Variants in WASHC2A observed in about 807,000 individuals in gnomAD.
The protein encoded by WASHC2A is WASH complex subunit FAM21A.
In WASHC2A, 82 loss-of-function variants were observed where a neutral mutation model predicts 140.3. The ratio of observed to expected loss-of-function variants is 0.58; its 90% CI spans 0.49 to 0.70. WASHC2A has a LOEUF of 0.70. WASHC2A is among the 30% of genes least tolerant of loss of function. WASHC2A has a pLI of 0.00. For synonymous variants in WASHC2A, 340 were observed against 560.8 expected, an observed-to-expected ratio of 0.61 and a Z score of 5.56; for missense variants, 985 against 1,521.8, an observed-to-expected ratio of 0.65 and a Z score of 5.87.
In WASHC2A at chr10:50,121,468, A is replaced by G. The variant is rs1304993560; in HGVS notation, c.2478+1699A>G. Among the ~76,000 whole-genome samples the G allele has an allele frequency of 4.0e-4, 60 of 148,474 alleles. 1 individual carries two copies. The South Asian group carries it at 0.012, about 29-fold the overall frequency. ...GATTGAAATGGCACAATCTTGGCTC[A>G]CTGCAACCTTTGCCTCCTGGGTTCA... On this transcript the variant is annotated intron_variant, in intron 23 of 30. Coordinates refer to ENST00000282633, the MANE Select transcript of WASHC2A (RefSeq NM_001005751.3).
At position 50,130,936 on chromosome 10, in the gene WASHC2A, T is replaced by C; in HGVS notation, c.3744T>C (p.Ser1248=). The C allele has an allele frequency of 6.2e-7, 1 of 1,609,178 alleles. No individual in the cohort carries two copies. Among genetic ancestry groups the C allele is most frequent in the Non-Finnish European group, 8.5e-7 (1 of 1,179,140 alleles). Residue 1248 remains serine (S), a synonymous_variant, in exon 30 of 31, where the codon TCT becomes TCC. Coordinates refer to ENST00000282633, the MANE Select transcript of WASHC2A (RefSeq NM_001005751.3). ...TTGCTACGGAAGCAATTAAACCCTC[T>C]CAGAAAACCAGAGAGAAGGAGAAAA... ...DIFATEAIKP[S]QKTREKEKTL...
At chr10:50,094,111 A>T (rs1382602375) in intron 13 of WASHC2A, among the ~76,000 whole-genome samples, 194 bp downstream of exon 13, 1 of 151,978 alleles carries the variant, frequency 6.6e-6, no homozygotes, top group Admixed American at 6.6e-5. Context: ...CCATCTGTAA[A>T]CCCATACCAC....
intron 3 of WASHC2A, among the ~76,000 whole-genome samples, chr10:50,076,653 C>T (rs1316534499): frequency 6.6e-6 from 1 of 151,970 alleles, no homozygotes; most frequent in African/African-American, 2.4e-5. Flanking sequence ...GGTAAAATCC[C>T]TCTCTAGGTA....
intron 30 of WASHC2A, chr10:50,131,314 G>A (rs1843943264): frequency 1.4e-6 from 1 of 738,380 alleles, no homozygotes; most frequent in African/African-American, 1.7e-5. Context: ...TGACGTTTAA[G>A]TATAATTTAA....
intron 29 of WASHC2A, 84 bp from the exon 30 acceptor site, chr10:50,130,817 T>A (rs2669756): frequency 6.3e-7 from 1 of 1,593,810 alleles, no homozygotes; most frequent in Non-Finnish European, 8.5e-7. Flanking sequence ...TGGCCAATTG[T>A]ATTTCCATAG....
intron 13 of WASHC2A, among the ~76,000 whole-genome samples, chr10:50,094,945 C>T (rs1349259164): frequency 6.6e-6 from 1 of 151,130 alleles, no homozygotes; most frequent in African/African-American, 2.4e-5. Context: ...AGTCACAGCT[C>T]AGATTGTGTT....
At chr10:50,107,493 A>C in intron 19 of WASHC2A, among the ~76,000 whole-genome samples, 1 of 151,790 alleles carries the variant, frequency 6.6e-6, no homozygotes, top group Non-Finnish European at 1.5e-5. Context: ...CCTGTGTTAT[A>C]ATAATTCCTC....
intron 2 of WASHC2A, among the ~76,000 whole-genome samples, chr10:50,069,256 C>G (rs1290118993): frequency 1.5e-4 from 22 of 150,926 alleles, no homozygotes; most frequent in African/African-American, 5.4e-4. Context: ...GAAACCCCGT[C>G]TCTACTAAAA....
intron 16 of WASHC2A, among the ~76,000 whole-genome samples, chr10:50,099,746 T>C (rs1216928426): frequency 7.2e-6 from 1 of 138,548 alleles, no homozygotes; most frequent in Non-Finnish European, 1.5e-5. Context: ...GTCCCATCTG[T>C]GCACCCATTG....
chr10:50,072,734 C>T (rs1220212089), intron 3 of WASHC2A, among the ~76,000 whole-genome samples: 4 of 152,030 alleles, frequency 2.6e-5, no homozygotes, highest in East Asian at 1.9e-4. Flanking sequence ...ATGATCCACC[C>T]GCCTTGGCCT....
intron 3 of WASHC2A, among the ~76,000 whole-genome samples, chr10:50,072,158 C>T (rs1423495382): frequency 6.8e-6 from 1 of 146,716 alleles, no homozygotes; most frequent in Non-Finnish European, 1.5e-5. Context: ...GCGATCTGCC[C>T]ATTGCAACCT....
At chr10:50,103,652 CCT>C (rs1428578466) in intron 17 of WASHC2A, among the ~76,000 whole-genome samples, 2 of 152,082 alleles carry the variant, frequency 1.3e-5, no homozygotes, top group South Asian at 2.1e-4. Flanking sequence ...GAATCTAGCC[CCT>C]GTTTCTTTAT....
chr10:50,092,489 C>T (rs1175009743), intron 11 of WASHC2A, among the ~76,000 whole-genome samples: 12 of 151,980 alleles, frequency 7.9e-5, no homozygotes, highest in African/African-American at 2.7e-4. Context: ...AACCCCATTT[C>T]TACTAAAAAT....
At chr10:50,072,989 G>T (rs1250536864) in intron 3 of WASHC2A, among the ~76,000 whole-genome samples, 2 of 152,162 alleles carry the variant, frequency 1.3e-5, no homozygotes, top group Non-Finnish European at 2.9e-5. Context: ...AAACAATCCA[G>T]ACTTTCTAGG....
intron 7 of WASHC2A, 86 bp from the exon 8 acceptor site, chr10:50,087,189 C>T: frequency 2.5e-6 from 4 of 1,572,062 alleles, no homozygotes; most frequent in Non-Finnish European, 3.5e-6. Context: ...ATAGAATCAG[C>T]CTGCCCCAGA....
intron 6 of WASHC2A, among the ~76,000 whole-genome samples, chr10:50,084,449 G>T (rs1839208384): frequency 2.1e-5 from 3 of 141,640 alleles, no homozygotes; most frequent in Non-Finnish European, 1.5e-5. Context: ...TTCTTTTTTT[G>T]AGACAGAGTC....
At chr10:50,087,775 C>A (rs1320706371) in intron 8 of WASHC2A, among the ~76,000 whole-genome samples, 1 of 152,186 alleles carries the variant, frequency 6.6e-6, no homozygotes, top group Non-Finnish European at 1.5e-5. Flanking sequence ...CTTTCATTTT[C>A]TGCCATTTTA....
rs1409189953 is a variant in WASHC2A at position 50,102,422 on chromosome 10, C to T, written c.1636-1620C>T. 1.6e-3 allele frequency among the ~76,000 whole-genome samples: 241 copies of T among 152,206 alleles called. 1 individual carries two copies. Among genetic ancestry groups the T allele is most frequent in the African/African-American group, 5.3e-3 (219 of 41,528 alleles). ...TAAGGGTCCGAAACTGTGATGTTGA[C>T]ATTTGTTTTTGTTCTTTGCTTTGGT... On this transcript the variant is annotated intron_variant, in intron 17 of 30. Transcript: ENST00000282633.
intron 3 of WASHC2A, among the ~76,000 whole-genome samples, chr10:50,071,008 G>A (rs1438086310): frequency 5.3e-4 from 56 of 105,558 alleles, no homozygotes; most frequent in Non-Finnish European, 5.0e-4. Flanking sequence ...CTCCAGCCTG[G>A]GCAATAAGAG....
Sources: gnomAD v4.1 joint callset for allele counts (sites outside exome capture counted in the v4.1 genomes callset) on GRCh38, gnomAD v4.1.1 for gene constraint, MANE v1.5 for transcripts, NCBI Gene and HGNC (gene_info 2026-07-23, HGNC 2026-07-21) for gene names.